The following FHOD3 variants were observed in gnomAD, a reference collection of about 807,000 sequenced individuals.
FHOD3 encodes the protein formin homology 2 domain containing 3.
FHOD3 carries 90 observed loss-of-function variants against 173.0 expected under a neutral mutation model. The observed-to-expected ratio is 0.52, with a 90% CI of 0.44 to 0.62. FHOD3 has a LOEUF of 0.62. Among genes scored for constraint, FHOD3 ranks in the 20% least tolerant of loss-of-function variants. The pLI is 0.00. For missense variants in FHOD3, 1,945 were observed against 2,034.7 expected, an observed-to-expected ratio of 0.96 and a Z score of 0.85; for synonymous variants, 828 against 823.0, an observed-to-expected ratio of 1.01 and a Z score of -0.10.
chr18:36,670,370 T>G (rs922686926), intron 14 of FHOD3, among the ~76,000 whole-genome samples: 1 of 152,156 alleles, frequency 6.6e-6, no homozygotes, highest in African/African-American at 2.4e-5. Context: ...AGCATGTATA[T>G]TGGGTCATTT....
chr18:36,340,747 C>T (rs970701316), intron 1 of FHOD3, among the ~76,000 whole-genome samples: 2 of 152,024 alleles, frequency 1.3e-5, no homozygotes, highest in African/African-American at 2.4e-5. Flanking sequence ...TGCCATTCTC[C>T]TGCCTCAGCC....
intron 9 of FHOD3, among the ~76,000 whole-genome samples, chr18:36,613,314 G>A (rs987680313): frequency 2.0e-5 from 3 of 152,226 alleles, no homozygotes; most frequent in African/African-American, 7.2e-5. Context: ...TCTGCTTTGG[G>A]CTACATATCA....
intron 22 of FHOD3, among the ~76,000 whole-genome samples, chr18:36,743,592 A>G (rs979464409): frequency 1.3e-5 from 2 of 152,190 alleles, no homozygotes; most frequent in African/African-American, 2.4e-5. Flanking sequence ...GGTTTGTTAC[A>G]TTGGTAAACA....
chr18:36,414,700 C>G (rs918103127), intron 3 of FHOD3, among the ~76,000 whole-genome samples: 7 of 152,314 alleles, frequency 4.6e-5, no homozygotes, highest in African/African-American at 1.7e-4. Context: ...AAGCCACCAT[C>G]CCCACTGTTT....
chr18:36,311,957 C>G lies in FHOD3; in HGVS notation c.165+13957C>G, dbSNP rs558645578. On this transcript the variant is annotated intron_variant, in intron 1 of 28. Coordinates refer to ENST00000590592, the MANE Select transcript of FHOD3 (RefSeq NM_001281740.3). ...TAAAGCCTCTTTTGTCCAGAAAGTCCCTCTTCCCTGGCCCTGGGCCCAGCT... is the reference window on the plus strand; with the variant it reads ...TAAAGCCTCTTTTGTCCAGAAAGTCGCTCTTCCCTGGCCCTGGGCCCAGCT... Among the ~76,000 whole-genome samples the G allele has an allele frequency of 3.9e-5, 6 of 152,260 alleles. No individual in the cohort carries two copies. The South Asian group carries it at 1.2e-3, about 32-fold the overall frequency.
intron 5 of FHOD3, among the ~76,000 whole-genome samples, chr18:36,514,368 G>A (rs1352985174): frequency 6.6e-6 from 1 of 151,982 alleles, no homozygotes; most frequent in African/African-American, 2.4e-5. Context: ...GCATCTAATC[G>A]CAGCCGTCTG....
chr18:36,510,670 T>C lies in FHOD3; in HGVS notation c.406-1768T>C, dbSNP rs2055582091. The stretch of plus-strand genomic sequence containing the variant: ...CTGACTAGACATGAGCTCATCTAAA[T>C]GTTCACTTTTCACATATGCTGGTGG... On this transcript the variant is annotated intron_variant, in intron 4 of 28. Coordinates refer to ENST00000590592, the MANE Select transcript of FHOD3 (RefSeq NM_001281740.3). Among the ~76,000 whole-genome samples, 8 of 152,230 alleles carry C rather than the reference T, an allele frequency of 5.3e-5. No homozygotes were observed. In the South Asian group the frequency reaches 1.7e-3, roughly 31 times the overall value.
chr18:36,303,756 T>C (rs1426907007), intron 1 of FHOD3, among the ~76,000 whole-genome samples: 1 of 152,150 alleles, frequency 6.6e-6, no homozygotes, highest in African/African-American at 2.4e-5. Flanking sequence ...ATAACACTGC[T>C]GTTGCCTGTG....
chr18:36,336,848 CAA>C (rs36099993), intron 1 of FHOD3, among the ~76,000 whole-genome samples: 17 of 35,808 alleles, frequency 4.7e-4, no homozygotes, highest in African/African-American at 1.4e-3. Flanking sequence ...AACTCCGTCT[CAA>C]AAAAAAAAAA....
intron 2 of FHOD3, among the ~76,000 whole-genome samples, chr18:36,359,190 G>A (rs2046495847): frequency 6.6e-6 from 1 of 152,212 alleles, no homozygotes; most frequent in Non-Finnish European, 1.5e-5. Context: ...GAAGATGTAT[G>A]AGTCTGTGTG....
chr18:36,757,083 T>C (rs1427906560), intron 25 of FHOD3, among the ~76,000 whole-genome samples: 1 of 152,272 alleles, frequency 6.6e-6, no homozygotes, highest in Non-Finnish European at 1.5e-5. Context: ...CAAAATTTCT[T>C]GCTAAATTCT....
intron 1 of FHOD3, among the ~76,000 whole-genome samples, chr18:36,341,044 A>G (rs1284970327): frequency 6.6e-6 from 1 of 152,146 alleles, no homozygotes; most frequent in Non-Finnish European, 1.5e-5. Context: ...AGCTAAGAAC[A>G]ATGTCTCATG....
At chr18:36,337,037 G>A (rs184162971) in intron 1 of FHOD3, among the ~76,000 whole-genome samples, 2 of 151,726 alleles carry the variant, frequency 1.3e-5, no homozygotes, top group Non-Finnish European at 2.9e-5. Context: ...GATGGGCGTG[G>A]TGGTACATTC....
intron 3 of FHOD3, among the ~76,000 whole-genome samples, chr18:36,451,930 C>T (rs73421019): frequency 6.6e-6 from 1 of 152,096 alleles, no homozygotes; most frequent in Non-Finnish European, 1.5e-5. Flanking sequence ...GACTGGTGTC[C>T]TGCTCCCCCA....
chr18:36,364,111 A>G (rs1236451034), intron 2 of FHOD3, among the ~76,000 whole-genome samples: 3 of 152,156 alleles, frequency 2.0e-5, no homozygotes, highest in South Asian at 2.1e-4. Flanking sequence ...CATAGTTACA[A>G]TGCAGCTGCC....
intron 19 of FHOD3, among the ~76,000 whole-genome samples, chr18:36,725,978 C>T (rs1419233926): frequency 1.3e-5 from 2 of 151,946 alleles, no homozygotes; most frequent in African/African-American, 4.8e-5. Context: ...ATTTTAAGAA[C>T]ATGTTTGACA....
chr18:36,704,226 A>G (rs1310088665), intron 17 of FHOD3, among the ~76,000 whole-genome samples: 1 of 152,214 alleles, frequency 6.6e-6, no homozygotes, highest in Non-Finnish European at 1.5e-5. Flanking sequence ...AGGTCAGTGC[A>G]GGCTCTGGCC....
chr18:36,559,114 C>T (rs2057998954), intron 5 of FHOD3, among the ~76,000 whole-genome samples: 1 of 152,214 alleles, frequency 6.6e-6, no homozygotes. Flanking sequence ...CCACTGTCAA[C>T]CATCACTTAC....
rs117734782 is a variant in FHOD3 at position 36,610,264 on chromosome 18, G to T, written c.814-1688G>T. On this transcript the variant is annotated intron_variant, in intron 8 of 28. Coordinates refer to ENST00000590592, the MANE Select transcript of FHOD3 (RefSeq NM_001281740.3). ...GCATCTCTAATTGTTCACCCTGCCT[G>T]GGCCTGGTATTGTCATTTCCCTCTC... 8.8e-4 allele frequency among the ~76,000 whole-genome samples: 134 copies of T among 152,348 alleles called. 4 individuals are homozygous for T. The East Asian group carries it at 0.024, about 28-fold the overall frequency.
Sources: allele counts gnomAD v4.1 joint callset (sites outside exome capture counted in the v4.1 genomes callset), GRCh38; gene constraint gnomAD v4.1.1; transcripts MANE v1.5; gene names NCBI Gene and HGNC (gene_info 2026-07-23, HGNC 2026-07-21).